Variants in SETD1A observed in about 807,000 individuals in gnomAD.
The protein encoded by SETD1A is histone-lysine N-methyltransferase SETD1A.
Under a neutral mutation model 149.9 loss-of-function variants are expected in SETD1A, and 29 were observed. That is an observed-to-expected ratio of 0.19 (90% confidence interval 0.14 to 0.26). The LOEUF (loss-of-function observed/expected upper bound fraction) is 0.26. SETD1A is among the 10% of genes least tolerant of loss of function. SETD1A has a pLI of 1.00. For synonymous variants in SETD1A, 1,141 were observed against 968.5 expected (o/e 1.18, Z -3.31); for missense variants, 2,109 against 2,353.1 (o/e 0.90, Z 2.15).
Position 30,980,808 on chromosome 16 carries a change from G to A in SETD1A, c.4651G>A (p.Ala1551Thr), listed in dbSNP as rs771053823. Residue 1551 changes from alanine to threonine, a missense_variant, in exon 16 of 19, where the codon GCC becomes ACC. By Grantham distance (58) the Ala-to-Thr change is moderately conservative. Around this residue, in one of 8 missense-constraint regions of SETD1A, gnomAD observed 254 missense variants for 409.3 expected, o/e 0.62. Coordinates refer to ENST00000262519, the MANE Select transcript of SETD1A (RefSeq NM_014712.3). The surrounding 1 kb of genome is among the most constrained non-coding windows in gnomAD (Gnocchi z 7.7). ...GCTGCTGAGCGCCATCGGTACCTCC[G>A]CCATCATGGACAGTGACCTGCTGAA... ...RRLLSAIGTS[A>T]IMDSDLLKLN... 1.0e-5 allele frequency: 15 copies of A among 1,454,788 alleles called. No individual in the cohort carries two copies. The highest frequency in any genetic ancestry group is 1.5e-5 in the African/African-American group (1 of 67,602). The allele number at this position is 1,454,788 out of a possible 1,614,324, so 90.1% of individuals were successfully genotyped here.
At chr16:30,967,988 T>C (rs1458628204) in intron 10 of SETD1A, among the ~76,000 whole-genome samples, 2 of 152,128 alleles carry the variant, frequency 1.3e-5, no homozygotes, top group African/African-American at 4.8e-5. Flanking sequence ...GCCCATTGAG[T>C]CAGATCTGCT....
chr16:30,961,459 G>A lies in SETD1A; in HGVS notation c.439G>A (p.Gly147Ser). The A allele has an allele frequency of 6.2e-7, 1 of 1,614,128 alleles. No individual in the cohort carries two copies. The highest frequency in any genetic ancestry group is 8.5e-7 in the Non-Finnish European group (1 of 1,180,018). The stretch of plus-strand genomic sequence containing the variant: ...CCGTGTGCTCTTCACCAGCACTCGG[G>A]GCGCCAAGGAAACGGTCAAAAACCT... ...LARVLFTSTR[G>S]AKETVKNLHL... is the part of the protein sequence containing the mutation. The change falls in exon 4 of 19, where the codon GGC (glycine) becomes AGC (serine). Residue 147 changes from glycine (G) to serine (S), a missense_variant. Gly to Ser is a moderately conservative substitution (Grantham distance 56). Around this residue, in one of 8 missense-constraint regions of SETD1A, gnomAD observed 62 missense variants for 149.5 expected, o/e 0.41. Coordinates refer to ENST00000262519, the MANE Select transcript of SETD1A (RefSeq NM_014712.3). This position sits in a 1 kb window ranked among gnomAD's most constrained non-coding sequence, Gnocchi z 4.0.
chr16:30,962,398 C>A (rs1188907361), intron 4 of SETD1A, among the ~76,000 whole-genome samples: 2 of 152,174 alleles, frequency 1.3e-5, no homozygotes, highest in South Asian at 4.1e-4. Context: ...ATTCTATAAC[C>A]CATATAGGTT....
chr16:30,972,057 G>A (rs2056232447), intron 13 of SETD1A, among the ~76,000 whole-genome samples: 1 of 152,186 alleles, frequency 6.6e-6, no homozygotes, highest in South Asian at 2.1e-4. Flanking sequence ...GTGAACAAGT[G>A]CAGGTTATTA....
chr16:30,961,211 A>G lies in SETD1A; in HGVS notation c.247-56A>G. On this transcript the variant is annotated intron_variant, in intron 3 of 18. Transcript: ENST00000262519. The surrounding 1 kb of genome is among the most constrained non-coding windows in gnomAD (Gnocchi z 4.0). ...GGAGCTTGCTAAAGTTTCCCGAAGG[A>G]CAAAGGAACAGTGGTCAGTGTTGAG... 5 of 1,570,806 alleles carry G rather than the reference A, an allele frequency of 3.2e-6. No homozygotes were observed. Among genetic ancestry groups the G allele is most frequent in the East Asian group, 2.2e-5 (1 of 44,550 alleles).
chr16:30,980,951 A>G lies in SETD1A; in HGVS notation c.4692+102A>G. On this transcript the variant is annotated intron_variant, in intron 16 of 18. Coordinates refer to ENST00000262519, the MANE Select transcript of SETD1A (RefSeq NM_014712.3). This position sits in a 1 kb window ranked among gnomAD's most constrained non-coding sequence, Gnocchi z 7.7. ...AGGCTCCTGTGGTTCCCTCGGGTGG[A>G]GTTGGGGGGTAAGCAGCCAGAACAC... 1 of 1,571,644 alleles carries G rather than the reference A, an allele frequency of 6.4e-7. No individual in the cohort carries two copies. Among genetic ancestry groups the G allele is most frequent in the African/African-American group, 1.3e-5 (1 of 74,274 alleles).
At chr16:30,973,976 G>T (rs945073332) in intron 13 of SETD1A, among the ~76,000 whole-genome samples, 2 of 152,136 alleles carry the variant, frequency 1.3e-5, no homozygotes, top group African/African-American at 2.4e-5. Context: ...ATTTCAGAAA[G>T]CCCATTCTAG....
rs1371806426 is a variant in SETD1A, at chr16:30,969,351, C to T, written c.2817C>T (p.Thr939=). Residue 939 remains threonine, a synonymous_variant, in exon 11 of 19, where the codon ACC becomes ACT. Transcript: ENST00000262519. ...CTGGAGAGCCAGGACGTCCGGGGAC[C>T]AAGCCCCCGAAGCGGGACGAAGAGC... ...KEAGEPGRPG[T]KPPKRDEERG... The T allele has an allele frequency of 1.9e-6, 3 of 1,614,048 alleles. No individual in the cohort carries two copies. The East Asian group carries it at 6.7e-5, about 36-fold the overall frequency.
intron 17 of SETD1A, among the ~76,000 whole-genome samples, chr16:30,982,948 G>A (rs2056400125): frequency 6.6e-6 from 1 of 152,196 alleles, no homozygotes; most frequent in South Asian, 2.1e-4. Context: ...GTCAAGATGA[G>A]CTCCAGTCTG....
Position 30,980,533 on chromosome 16 carries a change from C to T in SETD1A, c.4457C>T (p.Pro1486Leu), listed in dbSNP as rs746660393. 1 of 1,614,036 alleles carries T rather than the reference C, an allele frequency of 6.2e-7. No homozygotes were observed. The highest frequency in any genetic ancestry group is 8.5e-7 in the Non-Finnish European group (1 of 1,180,038). ...CGCAAGCGGCGGCCCCAGGATGGGCCCCGGGAGCACCAGACAGGCTCAGCC... is the reference window on the plus strand; with the variant it reads ...CGCAAGCGGCGGCCCCAGGATGGGCTCCGGGAGCACCAGACAGGCTCAGCC... ...PKRKRRPQDG[P>L]REHQTGSARS... is the part of the protein sequence containing the mutation. The change falls in exon 15 of 19, where the codon CCC becomes CTC. Residue 1486 changes from proline to leucine, a missense_variant. Transcript: ENST00000262519. The surrounding 1 kb of genome is among the most constrained non-coding windows in gnomAD (Gnocchi z 7.7).
intron 8 of SETD1A, 87 bp from the exon 9 acceptor site, chr16:30,966,797 G>A (rs1212702312): frequency 2.1e-6 from 3 of 1,406,310 alleles, no homozygotes; most frequent in Non-Finnish European, 2.8e-6. Context: ...GATGCGTTCT[G>A]TATTCCTGGG....
chr16:30,982,962 A>G (rs770072531), intron 17 of SETD1A, among the ~76,000 whole-genome samples: 21 of 152,164 alleles, frequency 1.4e-4, no homozygotes, highest in Non-Finnish European at 2.6e-4. Context: ...CAGTCTGGAC[A>G]TGTGGGGTTG....
chr16:30,966,036 C>T lies in SETD1A; in HGVS notation c.2155C>T (p.Pro719Ser). 1.3e-6 allele frequency: 2 copies of T among 1,566,638 alleles called. No homozygotes were observed. The highest frequency in any genetic ancestry group is 1.7e-4 in the Middle Eastern group (1 of 5,812). Residue 719 changes from proline (P) to serine (S), a missense_variant, in exon 8 of 19, where the codon CCA becomes TCA. By Grantham distance (74) the Pro-to-Ser change is moderately conservative. This residue lies in a region of SETD1A where 431 missense variants were observed against 388.6 expected (regional missense o/e 1.11). Transcript: ENST00000262519. ...CTTTGGGGAGGCCTTCCTCCCGTTT[C>T]CACCCCCGCAGGAGGCAGCCTACGG... Reference protein sequence around the residue: ...GAFGEAFLPFPPPQEAAYGLP... With the variant: ...GAFGEAFLPFSPPQEAAYGLP...
In SETD1A at chr16:30,980,358, C is replaced by T. The variant is rs904302604; in HGVS notation, c.4409-127C>T. On this transcript the variant is annotated intron_variant, in intron 14 of 18. Coordinates refer to ENST00000262519, the MANE Select transcript of SETD1A (RefSeq NM_014712.3). The surrounding 1 kb of genome is among the most constrained non-coding windows in gnomAD (Gnocchi z 7.7). ...CCTTCCAAAGCATTTCTGGCAGGAA[C>T]GATGGGGCTGGGGCTTCCTCCCCTG... 7.6e-6 allele frequency: 11 copies of T among 1,448,274 alleles called. No individual in the cohort carries two copies. Among genetic ancestry groups the T allele is most frequent in the African/African-American group, 2.8e-5 (2 of 70,300 alleles). 89.7% of individuals were successfully genotyped at this position (1,448,274 alleles called of 1,614,324 possible).
chr16:30,977,600 C>T (rs557763655), intron 13 of SETD1A, among the ~76,000 whole-genome samples: 2 of 152,304 alleles, frequency 1.3e-5, no homozygotes, highest in East Asian at 3.9e-4. Context: ...GTGAGGTGGT[C>T]TGTAGGGGGC....
At chr16:30,971,326 T>C (rs1369154481) in intron 12 of SETD1A, 52 bp from the exon 13 acceptor site, 3 of 1,525,368 alleles carry the variant, frequency 2.0e-6, no homozygotes, top group African/African-American at 2.8e-5. Flanking sequence ...AGCCCACGGC[T>C]GGCCAAGTGA....
chr16:30,964,189 G>C lies in SETD1A; in HGVS notation c.735G>C (p.Gln245His), dbSNP rs143678301. The change falls in exon 6 of 19, where the codon CAG becomes CAC. Residue 245 changes from glutamine to histidine, a missense_variant. Gln to His is a conservative substitution (Grantham distance 24). Coordinates refer to ENST00000262519, the MANE Select transcript of SETD1A (RefSeq NM_014712.3). ...CTGGCAACGGCACCCCCTGCTCCCAGGACACAAGCTTCTCCAGCAGCCGAC... is the reference window on the plus strand; with the variant it reads ...CTGGCAACGGCACCCCCTGCTCCCACGACACAAGCTTCTCCAGCAGCCGAC... ...GTPGNGTPCS[Q>H]DTSFSSSRQD... The C allele has an allele frequency of 1.1e-5, 17 of 1,613,996 alleles. No homozygotes were observed. The highest frequency in any genetic ancestry group is 1.4e-5 in the Non-Finnish European group (16 of 1,180,018).
At chr16:30,981,600 C>T (rs1353677768) in intron 17 of SETD1A, among the ~76,000 whole-genome samples, 1 of 152,202 alleles carries the variant, frequency 6.6e-6, no homozygotes, top group Non-Finnish European at 1.5e-5. Flanking sequence ...GTCTTGATCT[C>T]CTGATCTTGT....
Position 30,964,061 on chromosome 16 carries a change from T to C in SETD1A, c.640-33T>C. The C allele has an allele frequency of 1.3e-6, 2 of 1,564,468 alleles. 1 individual carries two copies. The highest frequency in any genetic ancestry group is 2.2e-5 in the South Asian group (2 of 89,954). ...AGGTCTCAAGTGGTGTTTGAGCCCA[T>C]TCCTCTCTCCTTGCCCTGCTCTGTC... On this transcript the variant is annotated intron_variant, in intron 5 of 18. Transcript: ENST00000262519.
Sources: allele counts gnomAD v4.1 joint callset (sites outside exome capture counted in the v4.1 genomes callset), GRCh38; gene constraint gnomAD v4.1.1; regional missense constraint gnomAD v4.1.1; non-coding constraint Gnocchi (gnomAD v3.1); transcripts MANE v1.5; gene names NCBI Gene and HGNC (gene_info 2026-07-23, HGNC 2026-07-21).